ERBB4: variants seen among roughly 807,000 people sequenced by gnomAD.
ERBB4 encodes receptor tyrosine-protein kinase erbB-4.
In ERBB4, 42 loss-of-function variants were observed where a neutral mutation model predicts 158.0. That is an observed-to-expected ratio of 0.27 (90% CI 0.21 to 0.34). The LOEUF is 0.34. Among genes scored for constraint, ERBB4 ranks in the 10% least tolerant of loss-of-function variants. ERBB4 has a pLI of 1.00. For synonymous variants in ERBB4, 583 were observed against 558.7 expected, an observed-to-expected ratio of 1.04 and a Z score of -0.61; for missense variants, 1,333 against 1,624.1, an observed-to-expected ratio of 0.82 and a Z score of 3.08.
intron 2 of ERBB4, among the ~76,000 whole-genome samples, chr2:212,054,297 T>C (rs2077487617): frequency 1.3e-5 from 2 of 152,290 alleles, no homozygotes; most frequent in South Asian, 4.1e-4. Flanking sequence ...CTGCCTTCTC[T>C]CTGTGTCTGA....
chr2:211,615,386 T>C (rs1418418313), intron 19 of ERBB4, among the ~76,000 whole-genome samples: 1 of 152,028 alleles, frequency 6.6e-6, no homozygotes, highest in African/African-American at 2.4e-5. Context: ...CCCTGTGAAA[T>C]GGTTCTGTCT....
At chr2:211,479,604 G>A (rs1411313057) in intron 20 of ERBB4, among the ~76,000 whole-genome samples, 1 of 152,080 alleles carries the variant, frequency 6.6e-6, no homozygotes, top group African/African-American at 2.4e-5. Context: ...TCTGATAGAG[G>A]ACATAATTAT....
rs375576439 is a variant in ERBB4, at chr2:211,657,808, T to C, written c.1892A>G (p.His631Arg). 1 of 1,613,910 alleles carries C rather than the reference T, an allele frequency of 6.2e-7. No individual in the cohort carries two copies. The highest frequency in any genetic ancestry group is 8.5e-7 in the Non-Finnish European group (1 of 1,179,920). The change falls in exon 16 of 28, where the codon CAT becomes CGT. Residue 631 changes from histidine to arginine, a missense_variant. This residue lies in a region of ERBB4 where 245 missense variants were observed against 247.5 expected (regional missense o/e 0.99). Coordinates refer to ENST00000342788, the MANE Select transcript of ERBB4 (RefSeq NM_005235.3). ...CTQGCNGPTS[H>R]DCIYYPWTGH... Reference sequence around the variant, plus strand: ...CGTCCATGGGTAGTAAATGCAGTCATGACTAGTGGGACCGTTACACCTGCA... The same window carrying C: ...CGTCCATGGGTAGTAAATGCAGTCACGACTAGTGGGACCGTTACACCTGCA...
intron 19 of ERBB4, among the ~76,000 whole-genome samples, chr2:211,580,870 T>TATATAC (rs2068073530): frequency 3.0e-3 from 1 of 338 alleles, no homozygotes; most frequent in Non-Finnish European, 6.3e-3. Context: ...CATATACATA[T>TATATAC]ATATATATAT....
intron 3 of ERBB4, among the ~76,000 whole-genome samples, chr2:211,910,264 A>G (rs376497123): frequency 6.6e-6 from 1 of 151,402 alleles, no homozygotes; most frequent in East Asian, 2.0e-4. Flanking sequence ...ATTAGCTTAT[A>G]GTTTAATTCT....
chr2:211,763,795 C>A (rs1303032054), intron 4 of ERBB4, among the ~76,000 whole-genome samples: 3 of 151,786 alleles, frequency 2.0e-5, no homozygotes, highest in Non-Finnish European at 4.4e-5. Context: ...TAAACAAAGT[C>A]TTCTGAGGTC....
intron 19 of ERBB4, among the ~76,000 whole-genome samples, chr2:211,599,270 G>A (rs547954741): frequency 1.3e-5 from 2 of 152,206 alleles, no homozygotes; most frequent in East Asian, 3.9e-4. Flanking sequence ...TGAAAGTCAT[G>A]GTTGAATGCA....
Position 211,389,978 on chromosome 2 carries a change from A to G in ERBB4, c.3136-1986T>C, listed in dbSNP as rs143673216. 4.2e-3 allele frequency among the ~76,000 whole-genome samples: 636 copies of G among 152,248 alleles called. 4 individuals are homozygous for G. The highest frequency in any genetic ancestry group is 0.014 in the African/African-American group (577 of 41,546). On this transcript the variant is annotated intron_variant, in intron 25 of 27. Coordinates refer to ENST00000342788, the MANE Select transcript of ERBB4 (RefSeq NM_005235.3). ...TAAAATGCTCACCTGTTCTCTAATC[A>G]CCTTAAATATAGGCATGTTTTACTA...
In ERBB4 at chr2:211,550,645, A is replaced by T. The variant is rs896294358; in HGVS notation, c.2487+11258T>A. 2.1e-5 allele frequency among the ~76,000 whole-genome samples: 3 copies of T among 146,276 alleles called. No homozygotes were observed. The Admixed American group carries it at 2.1e-4, about 10-fold the overall frequency. ...TATGAATATATCTATATATGAATAT[A>T]CTTAGGAATATATAGGTATATATAT... On this transcript the variant is annotated intron_variant, in intron 20 of 27. Transcript: ENST00000342788.
intron 2 of ERBB4, among the ~76,000 whole-genome samples, chr2:212,011,279 C>T (rs2076379969): frequency 6.6e-6 from 1 of 152,106 alleles, no homozygotes; most frequent in Non-Finnish European, 1.5e-5. Context: ...CAGCTGGTCC[C>T]TCCGTTTGGG....
At chr2:212,102,817 GA>G (rs767228390) in intron 2 of ERBB4, among the ~76,000 whole-genome samples, 15 of 151,982 alleles carry the variant, frequency 9.9e-5, no homozygotes, top group Non-Finnish European at 2.9e-5. Context: ...CTTCATCCTT[GA>G]CATCTACAGC....
intron 20 of ERBB4, among the ~76,000 whole-genome samples, chr2:211,525,911 G>A (rs2066334902): frequency 6.6e-6 from 1 of 152,064 alleles, no homozygotes; most frequent in Non-Finnish European, 1.5e-5. Flanking sequence ...TGGTTTGAAG[G>A]CCAACCAAAC....
At chr2:211,397,237 G>T (rs2062939365) in intron 25 of ERBB4, among the ~76,000 whole-genome samples, 1 of 151,932 alleles carries the variant, frequency 6.6e-6, no homozygotes, top group Non-Finnish European at 1.5e-5. Context: ...AAAGGAAGAG[G>T]AAAAACATAC....
chr2:212,530,982 T>G (rs1692725066), intron 1 of ERBB4, among the ~76,000 whole-genome samples: 1 of 152,218 alleles, frequency 6.6e-6, no homozygotes, highest in South Asian at 2.1e-4. Flanking sequence ...CTCTCAGGAC[T>G]CAGAAACTGG....
intron 19 of ERBB4, among the ~76,000 whole-genome samples, chr2:211,572,636 C>T (rs1189230682): frequency 6.6e-6 from 1 of 152,150 alleles, no homozygotes; most frequent in Non-Finnish European, 1.5e-5. Context: ...GTAACCTTCC[C>T]CTGGTTTCTT....
intron 2 of ERBB4, among the ~76,000 whole-genome samples, chr2:211,954,997 G>A (rs1332188162): frequency 6.6e-6 from 1 of 151,942 alleles, no homozygotes; most frequent in African/African-American, 2.4e-5. Flanking sequence ...AAACTCTAAG[G>A]ATTGTGCCAC....
chr2:211,757,031 T>A (rs1176991167), intron 4 of ERBB4, among the ~76,000 whole-genome samples: 1 of 152,210 alleles, frequency 6.6e-6, no homozygotes. Flanking sequence ...AATAGTAAAG[T>A]CTCAATATGA....
chr2:212,100,552 G>A (rs1161713599), intron 2 of ERBB4, among the ~76,000 whole-genome samples: 1 of 152,132 alleles, frequency 6.6e-6, no homozygotes, highest in Non-Finnish European at 1.5e-5. Context: ...CAGTAAATTG[G>A]TTTCACAAAC....
intron 3 of ERBB4, among the ~76,000 whole-genome samples, chr2:211,881,915 G>C (rs981658947): frequency 2.0e-5 from 3 of 152,228 alleles, no homozygotes; most frequent in Admixed American, 2.0e-4. Context: ...AGTCTTTTTG[G>C]GGGGATGCTC....
Sources: gnomAD v4.1 joint callset for allele counts (sites outside exome capture counted in the v4.1 genomes callset) on GRCh38, gnomAD v4.1.1 for gene constraint, gnomAD v4.1.1 regional missense constraint, MANE v1.5 for transcripts, NCBI Gene and HGNC (gene_info 2026-07-23, HGNC 2026-07-21) for gene names.